The following RHEX variants were observed in gnomAD, a reference collection of about 807,000 sequenced individuals.
RHEX encodes regulator of hemoglobinization and erythroid cell expansion protein.
Under a neutral mutation model 20.1 loss-of-function variants are expected in RHEX, and 18 were observed. The ratio of observed to expected loss-of-function variants is 0.90; its 90% CI spans 0.62 to 1.33. The LOEUF (loss-of-function observed/expected upper bound fraction) is 1.33. Among genes scored for constraint, RHEX ranks in the 40% most tolerant of loss-of-function variants. The pLI is 0.00. For missense variants in RHEX, 192 were observed against 214.3 expected (o/e 0.90, Z 0.65); for synonymous variants, 87 against 77.1 (o/e 1.13, Z -0.67).
chr1:206,064,373 C>G (rs1352439710), intron 1 of RHEX, among the ~76,000 whole-genome samples: 1 of 133,628 alleles, frequency 7.5e-6, no homozygotes, highest in Non-Finnish European at 1.6e-5. Context: ...CCAGCTGCCC[C>G]GTCCGGGAGG....
chr1:206,102,144 C>G lies in RHEX; in HGVS notation c.*192C>G. Reference sequence around the variant, plus strand: ...GACCCATGGACTCCTGGTCTGTACCCAAAAAAGCTGTTCGTTCCTCAAAAA... The same window carrying G: ...GACCCATGGACTCCTGGTCTGTACCGAAAAAAGCTGTTCGTTCCTCAAAAA... On this transcript the variant is annotated 3_prime_UTR_variant, in exon 6 of 6. Transcript: ENST00000331555. The G allele has an allele frequency of 1.6e-6, 1 of 606,422 alleles. No individual in the cohort carries two copies. The highest frequency in any genetic ancestry group is 2.0e-5 in the South Asian group (1 of 49,092). The allele number at this position is 606,422 out of a possible 1,614,324, so 37.6% of individuals were successfully genotyped here.
chr1:206,065,373 T>G (rs192291142), intron 1 of RHEX, among the ~76,000 whole-genome samples: 6 of 152,240 alleles, frequency 3.9e-5, no homozygotes, highest in Admixed American at 2.6e-4. Context: ...GCCCAGTGGT[T>G]AAACCCTCAT....
chr1:206,076,131 C>CA (rs1553285204), intron 1 of RHEX, among the ~76,000 whole-genome samples: 2 of 150,162 alleles, frequency 1.3e-5, no homozygotes, highest in East Asian at 1.9e-4. Context: ...ATTATGCTAA[C>CA]AAAAAAACAT....
intron 1 of RHEX, among the ~76,000 whole-genome samples, chr1:206,057,476 C>T (rs924495821): frequency 6.6e-6 from 1 of 152,274 alleles, no homozygotes; most frequent in Non-Finnish European, 1.5e-5. Context: ...AAAACAGTTA[C>T]ATGGTGGAGT....
chr1:206,067,274 C>G lies in RHEX; in HGVS notation c.-97+14009C>G, dbSNP rs1415159956. ...AGAGGCATCAGATTTCATTCTGGTTCCACAGGGGACTCCAGAACGTGATTC... is the reference window on the plus strand; with the variant it reads ...AGAGGCATCAGATTTCATTCTGGTTGCACAGGGGACTCCAGAACGTGATTC... On this transcript the variant is annotated intron_variant, in intron 1 of 5. Transcript: ENST00000331555. The surrounding 1 kb of genome is among the most constrained non-coding windows in gnomAD (Gnocchi z 4.6). Among the ~76,000 whole-genome samples, 1 of 152,082 alleles carries G rather than the reference C, an allele frequency of 6.6e-6. No individual in the cohort carries two copies. Among genetic ancestry groups the G allele is most frequent in the Non-Finnish European group, 1.5e-5 (1 of 68,024 alleles).
intron 1 of RHEX, among the ~76,000 whole-genome samples, chr1:206,056,127 C>T (rs1056483663): frequency 1.8e-4 from 27 of 152,220 alleles, no homozygotes; most frequent in African/African-American, 6.3e-4. Context: ...CACCTTCCTC[C>T]CGGTGTCAGA....
At chr1:206,101,072 C>A in intron 4 of RHEX, 64 bp from the exon 5 acceptor site, 1 of 1,314,180 alleles carries the variant, frequency 7.6e-7, no homozygotes, top group Non-Finnish European at 1.1e-6. Flanking sequence ...CTTCCATTGT[C>A]TCTATCCTCT....
rs561169251 is a variant in RHEX at position 206,077,247 on chromosome 1, T to C, written c.-96-20486T>C. Reference sequence around the variant, plus strand: ...TGATGACTTGGAAGGATTCCTTATGTGAAGTGAAAAAAAAAGATGTCTAAG... The same window carrying C: ...TGATGACTTGGAAGGATTCCTTATGCGAAGTGAAAAAAAAAGATGTCTAAG... On this transcript the variant is annotated intron_variant, in intron 1 of 5. Transcript: ENST00000331555. Among the ~76,000 whole-genome samples, 12 of 152,184 alleles carry C rather than the reference T, an allele frequency of 7.9e-5. No individual in the cohort carries two copies. In the South Asian group the frequency reaches 2.5e-3, roughly 32 times the overall value.
chr1:206,101,474 G>C (rs191053845), intron 5 of RHEX, among the ~76,000 whole-genome samples: 1 of 152,270 alleles, frequency 6.6e-6, no homozygotes, highest in East Asian at 1.9e-4. Context: ...TTGGGCTCAA[G>C]TCTGCTCTGA....
chr1:206,093,764 T>G (rs1663007946), intron 1 of RHEX, among the ~76,000 whole-genome samples: 1 of 152,096 alleles, frequency 6.6e-6, no homozygotes, highest in Non-Finnish European at 1.5e-5. Context: ...GGAGGGAAAC[T>G]TAATAAAATG....
chr1:206,063,548 C>T (rs751892463), intron 1 of RHEX, among the ~76,000 whole-genome samples: 2 of 152,376 alleles, frequency 1.3e-5, no homozygotes, highest in South Asian at 2.1e-4. Context: ...CGCGCCGCCA[C>T]GCCTGACTGG....
At chr1:206,070,295 T>C (rs2102312592) in intron 1 of RHEX, among the ~76,000 whole-genome samples, 1 of 152,282 alleles carries the variant, frequency 6.6e-6, no homozygotes, top group South Asian at 2.1e-4. Flanking sequence ...CCACGGCTTC[T>C]CTCAGAGGAG....
rs570893713 is a variant in RHEX, at chr1:206,064,290, C to T, written c.-97+11025C>T. On this transcript the variant is annotated intron_variant, in intron 1 of 5. Transcript: ENST00000331555. The stretch of plus-strand genomic sequence containing the variant: ...GGGGTCAGCCCCCCGCCCGGCCAGC[C>T]GCCCCGTCCGGGAGGTGAGGGGAAC... 4.5e-4 allele frequency among the ~76,000 whole-genome samples: 63 copies of T among 139,914 alleles called. 1 individual carries two copies. The highest frequency in any genetic ancestry group is 1.2e-3 in the African/African-American group (44 of 36,344). 91.8% of individuals were successfully genotyped at this position (139,914 alleles called of 152,430 possible). A position where few individuals can be genotyped will look rare whatever the true frequency, so the allele number is the denominator to read the frequency against.
At chr1:206,070,746 G>A (rs571118702) in intron 1 of RHEX, among the ~76,000 whole-genome samples, 15 of 152,204 alleles carry the variant, frequency 9.9e-5, no homozygotes, top group African/African-American at 2.6e-4. Context: ...CAGACAATGC[G>A]CCCCTTGAAT....
chr1:206,082,119 A>G (rs1244592200), intron 1 of RHEX, among the ~76,000 whole-genome samples: 2 of 152,212 alleles, frequency 1.3e-5, no homozygotes, highest in Non-Finnish European at 2.9e-5. Flanking sequence ...AAACTGCAGC[A>G]ATAGACGTAG....
rs1212622253 is a variant in RHEX, at chr1:206,096,781, G to GT, written c.-96-941dup. On this transcript the variant is annotated intron_variant, in intron 1 of 5. Transcript: ENST00000331555. ...AAGTCCCCTGTTTTTTTTTTTTTTG[G>GT]TTTTTTTTTTTGAGACAGGGTCTTG... Among the ~76,000 whole-genome samples the GT allele has an allele frequency of 1.8e-3, 242 of 132,918 alleles. 4 individuals are homozygous for GT. In the East Asian group the frequency reaches 0.023, roughly 13 times the overall value. The allele number at this position is 132,918 out of a possible 152,430, so 87.2% of individuals were successfully genotyped here. A position where few individuals can be genotyped will look rare whatever the true frequency, so the allele number is the denominator to read the frequency against.
intron 1 of RHEX, among the ~76,000 whole-genome samples, chr1:206,056,138 G>A (rs1267024353): frequency 1.3e-5 from 2 of 152,230 alleles, no homozygotes; most frequent in African/African-American, 4.8e-5. Context: ...CGGTGTCAGA[G>A]AGCCCAGTTA....
intron 1 of RHEX, among the ~76,000 whole-genome samples, chr1:206,086,349 T>G (rs1005032138): frequency 6.6e-6 from 1 of 152,034 alleles, no homozygotes; most frequent in African/African-American, 2.4e-5. Context: ...ATTTTCCTGT[T>G]TTTTTTTCTT....
At chr1:206,101,710 TG>T in intron 5 of RHEX, 41 bp from the exon 6 acceptor site, 1 of 1,471,608 alleles carries the variant, frequency 6.8e-7, no homozygotes, top group Non-Finnish European at 9.4e-7. Context: ...CCCCCAAACG[TG>T]GTAGGGATCT....
Sources: allele counts gnomAD v4.1 joint callset (sites outside exome capture counted in the v4.1 genomes callset), GRCh38; gene constraint gnomAD v4.1.1; non-coding constraint Gnocchi (gnomAD v3.1); transcripts MANE v1.5; gene names NCBI Gene and HGNC (gene_info 2026-07-23, HGNC 2026-07-21).